Variants in FGD5 observed in about 807,000 individuals in gnomAD.
FGD5 encodes FYVE, RhoGEF and PH domain-containing protein 5.
FGD5 carries 28 observed loss-of-function variants against 133.4 expected under a neutral mutation model. The ratio of observed to expected loss-of-function variants is 0.21; its 90% CI spans 0.16 to 0.29. The LOEUF (loss-of-function observed/expected upper bound fraction) is 0.29, where lower values mean the gene tolerates loss of function less well. FGD5 is among the 10% of genes least tolerant of loss of function. The pLI is 1.00. For missense variants in FGD5, 1,858 were observed against 1,895.2 expected (o/e 0.98, Z 0.36); for synonymous variants, 810 against 776.5 (o/e 1.04, Z -0.72).
At chr3:14,815,135 A>C (rs1265864741), upstream of FGD5, among the ~76,000 whole-genome samples, 1 of 152,174 alleles carries the variant, frequency 6.6e-6, no homozygotes, top group East Asian at 1.9e-4. Context: ...GGCTTCCCAC[A>C]TCACTCTGAG....
chr3:14,820,070 C>G lies in FGD5; in HGVS notation c.999C>G (p.Asp333Glu), dbSNP rs2036452545. The G allele has an allele frequency of 6.2e-7, 1 of 1,614,060 alleles. No individual in the cohort carries two copies. Among genetic ancestry groups the G allele is most frequent in the Non-Finnish European group, 8.5e-7 (1 of 1,179,906 alleles). ...GCCAGATTGTCCCTTTTGAGAATGA[C>G]TGCATGGAGGACTTCGTGACTTCCC... Reference protein sequence around the residue: ...ESCQIVPFENDCMEDFVTSLT... With the variant: ...ESCQIVPFENECMEDFVTSLT... The change falls in exon 1 of 20, where the codon GAC (aspartate) becomes GAG (glutamate). Residue 333 changes from aspartate (D) to glutamate (E), a missense_variant. Asp to Glu is a conservative substitution (Grantham distance 45, BLOSUM62 2). Transcript: ENST00000285046.
intron 11 of FGD5, among the ~76,000 whole-genome samples, chr3:14,916,623 A>G (rs1413137110): frequency 6.6e-6 from 1 of 152,202 alleles, no homozygotes; most frequent in African/African-American, 2.4e-5. Context: ...ACAAGTGTAT[A>G]TCACAGTGTA....
intron 1 of FGD5, among the ~76,000 whole-genome samples, chr3:14,860,868 A>G (rs1355906267): frequency 6.6e-6 from 1 of 151,998 alleles, no homozygotes; most frequent in Non-Finnish European, 1.5e-5. Flanking sequence ...GTCCTTAACT[A>G]CTGGAGAGGC....
At chr3:14,900,097 G>GTGGCA (rs1217122053) in intron 7 of FGD5, among the ~76,000 whole-genome samples, 2 of 152,244 alleles carry the variant, frequency 1.3e-5, no homozygotes, top group African/African-American at 2.4e-5. Flanking sequence ...TGCCATGTCT[G>GTGGCA]TCGCCCCCAG....
intron 11 of FGD5, among the ~76,000 whole-genome samples, chr3:14,911,911 T>C (rs1362871769): frequency 6.6e-6 from 1 of 151,616 alleles, no homozygotes; most frequent in East Asian, 1.9e-4. Flanking sequence ...GTGTTTCATA[T>C]GTTTTCTGAA....
chr3:14,899,669 C>T (rs986843786), intron 7 of FGD5, among the ~76,000 whole-genome samples: 3 of 152,168 alleles, frequency 2.0e-5, no homozygotes, highest in East Asian at 1.9e-4. Flanking sequence ...AGCAGTAAAT[C>T]GAACAGCAAA....
In FGD5 at chr3:14,917,821, A is replaced by G. The variant is rs2038589568; in HGVS notation, c.3489+489A>G. On this transcript the variant is annotated intron_variant, in intron 12 of 19. Transcript: ENST00000285046. The surrounding 1 kb of genome is among the most constrained non-coding windows in gnomAD (Gnocchi z 4.1). ...TGAAACTCTGCCCACATTAAAAACC[A>G]ACTCTCCATTCCCCTCCTTCTCAGC... Among the ~76,000 whole-genome samples the G allele has an allele frequency of 6.6e-6, 1 of 152,164 alleles. No individual in the cohort carries two copies. Among genetic ancestry groups the G allele is most frequent in the South Asian group, 2.1e-4 (1 of 4,822 alleles).
intron 1 of FGD5, among the ~76,000 whole-genome samples, chr3:14,840,921 C>G (rs1371359110): frequency 6.6e-6 from 1 of 152,136 alleles, no homozygotes; most frequent in East Asian, 1.9e-4. Flanking sequence ...AAATAACTTA[C>G]TAAATTAATA....
At chr3:14,870,388 G>A (rs1037541713) in intron 2 of FGD5, among the ~76,000 whole-genome samples, 1 of 152,148 alleles carries the variant, frequency 6.6e-6, no homozygotes, top group African/African-American at 2.4e-5. Flanking sequence ...TACTGCTGTC[G>A]CTGGTGCTGC....
intron 1 of FGD5, among the ~76,000 whole-genome samples, chr3:14,825,820 C>G (rs2036588601): frequency 6.6e-6 from 1 of 152,150 alleles, no homozygotes; most frequent in Non-Finnish European, 1.5e-5. Context: ...GGAACCCAGT[C>G]TTCACCTCCG....
intron 4 of FGD5, among the ~76,000 whole-genome samples, chr3:14,883,642 G>A (rs539008085): frequency 1.3e-5 from 2 of 152,318 alleles, no homozygotes; most frequent in African/African-American, 2.4e-5. Context: ...TTTACTGTAG[G>A]CACTGAAATA....
intron 6 of FGD5, 67 bp downstream of exon 6, chr3:14,898,162 A>G: frequency 6.3e-7 from 1 of 1,590,284 alleles, no homozygotes; most frequent in Non-Finnish European, 8.6e-7. Context: ...GAAGGGCTTA[A>G]TGCAAATCAG....
chr3:14,843,000 A>AT (rs769731949), intron 1 of FGD5, among the ~76,000 whole-genome samples: 1 of 152,126 alleles, frequency 6.6e-6, no homozygotes, highest in Non-Finnish European at 1.5e-5. Context: ...ACAGAAGTAT[A>AT]TTTTTAAGTG....
chr3:14,889,884 T>A (rs1166732132), intron 4 of FGD5, among the ~76,000 whole-genome samples: 5 of 152,210 alleles, frequency 3.3e-5, no homozygotes, highest in Admixed American at 1.3e-4. Flanking sequence ...TTGAGGTATC[T>A]TTTTTGTATT....
At chr3:14,849,181 C>A (rs1050726252) in intron 1 of FGD5, among the ~76,000 whole-genome samples, 1 of 152,222 alleles carries the variant, frequency 6.6e-6, no homozygotes, top group Non-Finnish European at 1.5e-5. Flanking sequence ...TGGATTCCCT[C>A]TGCGTCCCCC....
In FGD5 at chr3:14,880,829, T is replaced by C. The variant is rs541274512; in HGVS notation, c.2748+57T>C. ...ATTGCCCTTTTACAAGTCTGTGATATAAGAGGCAGGAAAGCAATGTGGAGA... is the reference window on the plus strand; with the variant it reads ...ATTGCCCTTTTACAAGTCTGTGATACAAGAGGCAGGAAAGCAATGTGGAGA... On this transcript the variant is annotated intron_variant, in intron 4 of 19. Coordinates refer to ENST00000285046, the MANE Select transcript of FGD5 (RefSeq NM_152536.4). 1.9e-5 allele frequency: 31 copies of C among 1,591,576 alleles called. No individual in the cohort carries two copies. The South Asian group carries it at 3.2e-4, about 16-fold the overall frequency.
upstream of FGD5, among the ~76,000 whole-genome samples, chr3:14,815,198 T>C (rs2036350144): frequency 6.6e-6 from 1 of 152,206 alleles, no homozygotes; most frequent in African/African-American, 2.4e-5. Context: ...CCTCATCTGC[T>C]TCTCCTGCTC....
At chr3:14,871,907 A>T (rs1049307734) in intron 2 of FGD5, among the ~76,000 whole-genome samples, 5 of 152,188 alleles carry the variant, frequency 3.3e-5, no homozygotes, top group Non-Finnish European at 7.3e-5. Flanking sequence ...CTCGCTCTTC[A>T]TGGCCTATGG....
At position 14,910,905 on chromosome 3, in the gene FGD5, C is replaced by T. The variant is rs781163449; in HGVS notation, c.3381C>T (p.Asn1127=). 30 of 1,613,168 alleles carry T rather than the reference C, an allele frequency of 1.9e-5. No individual in the cohort carries two copies. Among genetic ancestry groups the T allele is most frequent in the Middle Eastern group, 3.3e-4 (2 of 6,080 alleles). Residue 1127 remains asparagine (N), a synonymous_variant, in exon 11 of 20, where the codon AAC becomes AAT. Coordinates refer to ENST00000285046, the MANE Select transcript of FGD5 (RefSeq NM_152536.4). The stretch of plus-strand genomic sequence containing the variant: ...CGCTGATGAAAGTAACAGGGAAAAA[C>T]AGACGGCCCCGGCACCTATTTCTGG... ...EGTLMKVTGK[N]RRPRHLFLMN... is the part of the protein sequence containing the mutation.
Sources: gnomAD v4.1 joint callset for allele counts (sites outside exome capture counted in the v4.1 genomes callset) on GRCh38, gnomAD v4.1.1 for gene constraint, Gnocchi (gnomAD v3.1) non-coding constraint, MANE v1.5 for transcripts, NCBI Gene and HGNC (gene_info 2026-07-23, HGNC 2026-07-21) for gene names.